The following CD40 variants were observed in gnomAD, a reference collection of about 807,000 sequenced individuals.
CD40 encodes the protein tumor necrosis factor receptor superfamily member 5.
CD40 carries 19 observed loss-of-function variants against 38.5 expected under a neutral mutation model. That is an observed-to-expected ratio of 0.49 (90% CI 0.34 to 0.72). The LOEUF (loss-of-function observed/expected upper bound fraction) is 0.72. Among genes scored for constraint, CD40 ranks in the 30% least tolerant of loss-of-function variants. The pLI, the probability that CD40 is intolerant of heterozygous loss-of-function variation, is 0.01. For synonymous variants in CD40, 130 were observed against 128.7 expected (o/e 1.01, Z -0.07); for missense variants, 256 against 344.1 (o/e 0.74, Z 2.03).
chr20:46,129,367 A>C lies in CD40; in HGVS notation c.*327A>C, dbSNP rs2085511010. ...CTTCCGATCCAGCAGTTTGGTGCCC[A>C]GAGAGGCATCATGGTGGCTTCCCTG... On this transcript the variant is annotated 3_prime_UTR_variant, in exon 9 of 9. Coordinates refer to ENST00000372285, the MANE Select transcript of CD40 (RefSeq NM_001250.6). The C allele has an allele frequency of 8.0e-6, 3 of 376,082 alleles. No individual in the cohort carries two copies. The highest frequency in any genetic ancestry group is 1.5e-5 in the Non-Finnish European group (3 of 195,014). The allele number at this position is 376,082 out of a possible 1,614,324, so 23.3% of individuals were successfully genotyped here.
chr20:46,123,315 TC>T, intron 5 of CD40, 96 bp downstream of exon 5: 1 of 928,814 alleles, frequency 1.1e-6, no homozygotes, highest in Non-Finnish European at 1.8e-6. Flanking sequence ...CTCCCAGAGG[TC>T]CACACACACT....
At chr20:46,128,502 C>A (rs760318564) in intron 8 of CD40, 144 bp downstream of exon 8, 10 of 872,922 alleles carry the variant, frequency 1.1e-5, no homozygotes, top group Admixed American at 8.1e-5. Flanking sequence ...GTCATCCCCA[C>A]CCACCATGCT....
intron 1 of CD40, 171 bp from the exon 2 acceptor site, chr20:46,121,648 CA>C (rs2085319575): frequency 1.4e-6 from 1 of 697,516 alleles, no homozygotes; most frequent in Non-Finnish European, 2.6e-6. Flanking sequence ...ATAATCAGCT[CA>C]GTTGACAATT....
At chr20:46,118,504 G>A in intron 1 of CD40, 110 bp downstream of exon 1, 1 of 626,576 alleles carries the variant, frequency 1.6e-6, no homozygotes, top group Non-Finnish European at 2.9e-6. Context: ...GTGGGGGCAG[G>A]AGGGTGGGTG....
chr20:46,126,630 C>G lies in CD40; in HGVS notation c.498-10C>G, dbSNP rs2145607950. On this transcript the variant is annotated splice_polypyrimidine_tract_variant and intron_variant, in intron 5 of 8. Coordinates refer to ENST00000372285, the MANE Select transcript of CD40 (RefSeq NM_001250.6). ...TGTGTGTGTGCATTTGTGCACGTGT[C>G]TGTGCATAGCTGTGAGACCAAAGAC... The G allele has an allele frequency of 6.2e-7, 1 of 1,613,950 alleles. No homozygotes were observed. Among genetic ancestry groups the G allele is most frequent in the East Asian group, 2.2e-5 (1 of 44,874 alleles).
In CD40 at chr20:46,122,355, C is replaced by A. The variant is rs769971386; in HGVS notation, c.253C>A (p.Pro85Thr). Residue 85 changes from proline (P) to threonine (T), a missense_variant, in exon 3 of 9, where the codon CCC becomes ACC. Coordinates refer to ENST00000372285, the MANE Select transcript of CD40 (RefSeq NM_001250.6). The surrounding 1 kb of genome is among the most constrained non-coding windows in gnomAD (Gnocchi z 5.0). ...CTGCCACCAGCACAAATACTGCGAC[C>A]CCAGTGCGTGCGCTGTTGGGAAAGG... is the stretch of plus-strand genomic sequence containing the variant. The part of the protein sequence containing the change: ...THCHQHKYCD[P>T]NLGLRVQQKG... The A allele has an allele frequency of 1.9e-6, 3 of 1,614,196 alleles. No individual in the cohort carries two copies. In the South Asian group the frequency reaches 3.3e-5, roughly 18 times the overall value.
At position 46,126,699 on chromosome 20, in the gene CD40, G is replaced by A; in HGVS notation, c.557G>A (p.Cys186Tyr). 1 of 1,614,170 alleles carries A rather than the reference G, an allele frequency of 6.2e-7. No individual in the cohort carries two copies. The highest frequency in any genetic ancestry group is 2.2e-5 in the East Asian group (1 of 44,888). The change falls in exon 6 of 9, where the codon TGT becomes TAT. Residue 186 changes from cysteine (C) to tyrosine (Y), a missense_variant and splice_region_variant. By Grantham distance (194) the Cys-to-Tyr change is radical (BLOSUM62 -2). Transcript: ENST00000372285. ...QAGTNKTDVV[C>Y]GPQDRLRALV... Reference sequence around the variant, plus strand: ...GGCACAAACAAGACTGATGTTGTCTGTGGTGAGTCCTGGACAATGGGCCCT... The same window carrying A: ...GGCACAAACAAGACTGATGTTGTCTATGGTGAGTCCTGGACAATGGGCCCT...
intron 5 of CD40, among the ~76,000 whole-genome samples, chr20:46,124,024 C>A (rs959253196): frequency 2.6e-5 from 4 of 152,222 alleles, no homozygotes; most frequent in African/African-American, 9.6e-5. Flanking sequence ...CCAGGCCAGG[C>A]GCGGTGGCTC....
In CD40 at chr20:46,128,248, T is replaced by C. The variant is rs758308480; in HGVS notation, c.646+24T>C. On this transcript the variant is annotated intron_variant, in intron 7 of 8. Coordinates refer to ENST00000372285, the MANE Select transcript of CD40 (RefSeq NM_001250.6). ...CAGTGAGTCCTCAGGTGGGGAGGTGTTGGGGGAGGGAGGGGAGACCACCTG... is the reference window on the plus strand; with the variant it reads ...CAGTGAGTCCTCAGGTGGGGAGGTGCTGGGGGAGGGAGGGGAGACCACCTG... The C allele has an allele frequency of 5.6e-6, 9 of 1,612,312 alleles. No individual in the cohort carries two copies. The South Asian group carries it at 8.8e-5, about 16-fold the overall frequency.
At chr20:46,128,114 A>G in intron 6 of CD40, 24 bp from the exon 7 acceptor site, 2 of 1,614,060 alleles carry the variant, frequency 1.2e-6, no homozygotes, top group Non-Finnish European at 1.7e-6. Flanking sequence ...TGAGGGGTGC[A>G]TGCTGAAGTC....
Position 46,118,431 on chromosome 20 carries a change from A to C in CD40, c.51+37A>C, listed in dbSNP as rs200873305. On this transcript the variant is annotated intron_variant, in intron 1 of 8. Coordinates refer to ENST00000372285, the MANE Select transcript of CD40 (RefSeq NM_001250.6). ...TTGCCCCGACCAGACGGGAGTTGGG[A>C]GTGGGGAATGAGAAGGAAAGGGAAG... The C allele has an allele frequency of 2.2e-6, 3 of 1,386,874 alleles. No individual in the cohort carries two copies. The African/African-American group carries it at 4.5e-5, about 21-fold the overall frequency. The allele number at this position is 1,386,874 out of a possible 1,614,324, so 85.9% of individuals were successfully genotyped here.
At chr20:46,126,984 C>T in intron 6 of CD40, 1 of 504,404 alleles carries the variant, frequency 2.0e-6, no homozygotes, top group Non-Finnish European at 3.6e-6. Context: ...TAATGTAAAT[C>T]AGTGAAAAAG....
In CD40 at chr20:46,123,233, T is replaced by C. The variant is rs1413890264; in HGVS notation, c.497+14T>C. ...CCCTTGGACAAGGTATAAGCACTCA[T>C]CCCTTGTGTTTCCTGCTCTAAGAGT... On this transcript the variant is annotated intron_variant, in intron 5 of 8. Coordinates refer to ENST00000372285, the MANE Select transcript of CD40 (RefSeq NM_001250.6). 5.0e-6 allele frequency: 8 copies of C among 1,592,584 alleles called. No individual in the cohort carries two copies. In the South Asian group the frequency reaches 7.7e-5, roughly 15 times the overall value.
In CD40 at chr20:46,124,751, G is replaced by GTTTTTTTTTTT. The variant is rs780015926; in HGVS notation, c.497+1555_497+1565dup. On this transcript the variant is annotated intron_variant, in intron 5 of 8. Coordinates refer to ENST00000372285, the MANE Select transcript of CD40 (RefSeq NM_001250.6). ...GATAACTGGAGGCACCACTGGTATA[G>GTTTTTTTTTTT]TTTTTTTTTTTTTTTTTTTTTTTTT... is the stretch of plus-strand genomic sequence containing the variant. Among the ~76,000 whole-genome samples, 106 of 73,956 alleles carry GTTTTTTTTTTT rather than the reference G, an allele frequency of 1.4e-3. 21 individuals carry two copies. The highest frequency in any genetic ancestry group is 2.0e-3 in the Non-Finnish European group (80 of 40,980). 48.5% of individuals were successfully genotyped at this position (73,956 alleles called of 152,430 possible).
In CD40 at chr20:46,123,196, C is replaced by T. The variant is rs79661585; in HGVS notation, c.474C>T (p.Phe158=). The T allele has an allele frequency of 1.9e-5, 31 of 1,613,942 alleles. No individual in the cohort carries two copies. Among genetic ancestry groups the T allele is most frequent in the Admixed American group, 1.0e-4 (6 of 60,006 alleles). The change falls in exon 5 of 9, where the codon TTC becomes TTT. Residue 158 remains phenylalanine, a synonymous_variant. Transcript: ENST00000372285. ...TCTTCTCCAATGTGTCATCTGCTTT[C>T]GAAAAATGTCACCCTTGGACAAGGT... is the stretch of plus-strand genomic sequence containing the variant. The part of the protein sequence containing the change: ...VGFFSNVSSA[F]EKCHPWTSCE...
At position 46,118,324 on chromosome 20, in the gene CD40, C is replaced by G. The variant is rs371166508; in HGVS notation, c.-20C>G. 2.6e-5 allele frequency: 42 copies of G among 1,612,864 alleles called. No homozygotes were observed. In the African/African-American group the frequency reaches 4.4e-4, roughly 17 times the overall value. ...CTCGCTCGGGCGCCCAGTGGTCCTG[C>G]CGCCTGGTCTCACCTCGCTATGGTT... On this transcript the variant is annotated 5_prime_UTR_variant, in exon 1 of 9. Transcript: ENST00000372285.
At chr20:46,126,553 T>G in intron 5 of CD40, 87 bp from the exon 6 acceptor site, 2 of 1,519,324 alleles carry the variant, frequency 1.3e-6, no homozygotes, top group Non-Finnish European at 1.8e-6. Context: ...ACTGACTCAC[T>G]CTAGAGTTGG....
At position 46,122,457 on chromosome 20, in the gene CD40, G is replaced by A; in HGVS notation, c.256+99G>A. On this transcript the variant is annotated intron_variant, in intron 3 of 8. Transcript: ENST00000372285. This position sits in a 1 kb window ranked among gnomAD's most constrained non-coding sequence, Gnocchi z 5.0. ...ATGTAGCCAGGGTCTGCTCTGATTGGTTGGAGTCCGGGCTGTACTGATCAT... is the reference window on the plus strand; with the variant it reads ...ATGTAGCCAGGGTCTGCTCTGATTGATTGGAGTCCGGGCTGTACTGATCAT... The A allele has an allele frequency of 6.3e-7, 1 of 1,584,600 alleles. No individual in the cohort carries two copies. Among genetic ancestry groups the A allele is most frequent in the South Asian group, 1.1e-5 (1 of 90,246 alleles).
intron 6 of CD40, 151 bp downstream of exon 6, chr20:46,126,852 T>A (rs2145608706): frequency 7.6e-7 from 1 of 1,317,114 alleles, no homozygotes; most frequent in East Asian, 2.5e-5. Context: ...CTTGGGAGTC[T>A]GGGCAAATCA....
Sources: allele counts gnomAD v4.1 joint callset (sites outside exome capture counted in the v4.1 genomes callset), GRCh38; gene constraint gnomAD v4.1.1; non-coding constraint Gnocchi (gnomAD v3.1); transcripts MANE v1.5; gene names NCBI Gene and HGNC (gene_info 2026-07-23, HGNC 2026-07-21).